The following LONP2 variants were observed in gnomAD, a reference collection of about 807,000 sequenced individuals.
The protein encoded by LONP2 is lon protease homolog 2, peroxisomal.
In LONP2, 60 loss-of-function variants were observed where a neutral mutation model predicts 85.6. That is an observed-to-expected ratio of 0.70 (90% CI 0.57 to 0.87). The LOEUF is 0.87. Among genes scored for constraint, LONP2 ranks in the 40% least tolerant of loss-of-function variants. The probability of loss-of-function intolerance (pLI) is 0.00; values close to 1 mark genes in which losing one functional copy is unlikely to be tolerated. For synonymous variants in LONP2, 395 were observed against 389.7 expected, an observed-to-expected ratio of 1.01 and a Z score of -0.16; for missense variants, 860 against 1,063.5, an observed-to-expected ratio of 0.81 and a Z score of 2.66.
rs373172366 is a variant in LONP2 at position 48,251,230 on chromosome 16, T to A, written c.234-901T>A. 1.1e-4 allele frequency among the ~76,000 whole-genome samples: 16 copies of A among 152,156 alleles called. No homozygotes were observed. In the East Asian group the frequency reaches 3.1e-3, roughly 29 times the overall value. On this transcript the variant is annotated intron_variant, in intron 1 of 14. Transcript: ENST00000285737. The stretch of plus-strand genomic sequence containing the variant: ...TACCGCTTTCCTAGGGTGTTGAGAG[T>A]TCTAGTCCTTCTATTTTCTTTTCTG...
At chr16:48,292,997 T>C (rs1045527090) in intron 8 of LONP2, among the ~76,000 whole-genome samples, 2 of 152,266 alleles carry the variant, frequency 1.3e-5, no homozygotes, top group Admixed American at 6.5e-5. Flanking sequence ...AAACATTGCT[T>C]TATTAATTTT....
chr16:48,340,648 A>G (rs1253105421), intron 12 of LONP2, among the ~76,000 whole-genome samples: 2 of 152,246 alleles, frequency 1.3e-5, no homozygotes, highest in Non-Finnish European at 2.9e-5. Context: ...GGATTAGTTC[A>G]TTCTTGCATT....
At chr16:48,286,527 G>A (rs990997605) in intron 8 of LONP2, among the ~76,000 whole-genome samples, 1 of 151,986 alleles carries the variant, frequency 6.6e-6, no homozygotes, top group Non-Finnish European at 1.5e-5. Context: ...TTTTGAGACA[G>A]GGTCTCGCTC....
intron 8 of LONP2, among the ~76,000 whole-genome samples, chr16:48,279,408 T>C (rs1972279837): frequency 1.3e-5 from 2 of 151,946 alleles, no homozygotes; most frequent in South Asian, 4.2e-4. Context: ...GATGGTCAGA[T>C]TCCTCAGAGA....
In LONP2 at chr16:48,299,251, A is replaced by C. The variant is rs1456587133; in HGVS notation, c.1535-411A>C. ...TTGAAATAATACTTAAATTTGTTCTAAATCTAAGATCCATTTAATCTACAT... is the reference window on the plus strand; with the variant it reads ...TTGAAATAATACTTAAATTTGTTCTCAATCTAAGATCCATTTAATCTACAT... On this transcript the variant is annotated intron_variant, in intron 9 of 14. Transcript: ENST00000285737. Among the ~76,000 whole-genome samples the C allele has an allele frequency of 2.6e-5, 4 of 152,154 alleles. No individual in the cohort carries two copies. The East Asian group carries it at 7.7e-4, about 29-fold the overall frequency.
chr16:48,277,632 A>G (rs1260305022), intron 8 of LONP2, among the ~76,000 whole-genome samples, 153 bp downstream of exon 8: 1 of 152,130 alleles, frequency 6.6e-6, no homozygotes, highest in Non-Finnish European at 1.5e-5. Flanking sequence ...TGGCACTTAA[A>G]TTAAAATGTT....
chr16:48,299,649 T>C lies in LONP2; in HGVS notation c.1535-13T>C, dbSNP rs1418670907. On this transcript the variant is annotated splice_polypyrimidine_tract_variant and intron_variant, in intron 9 of 14. Coordinates refer to ENST00000285737, the MANE Select transcript of LONP2 (RefSeq NM_031490.5). ...ATGTAAATAATTACAAAACAAGATC[T>C]CTTCTTTTCCAGGTTATACACAGGA... 1 of 1,593,452 alleles carries C rather than the reference T, an allele frequency of 6.3e-7. No individual in the cohort carries two copies. The highest frequency in any genetic ancestry group is 8.5e-7 in the Non-Finnish European group (1 of 1,174,382).
intron 7 of LONP2, among the ~76,000 whole-genome samples, chr16:48,270,619 C>CA (rs1450410144): frequency 5.3e-5 from 8 of 152,076 alleles, no homozygotes; most frequent in African/African-American, 1.9e-4. Flanking sequence ...CCCTAACTCT[C>CA]AGAGTTAAAA....
Position 48,292,358 on chromosome 16 carries a change from G to A in LONP2, c.1384-3657G>A, listed in dbSNP as rs1425765353. On this transcript the variant is annotated intron_variant, in intron 8 of 14. Transcript: ENST00000285737. ...TTCTCAGTGGGGGGATTGTGAGGGA[G>A]ATATGTAGCTTTTTTTGTCTTTGTA... Among the ~76,000 whole-genome samples, 4 of 152,272 alleles carry A rather than the reference G, an allele frequency of 2.6e-5. No homozygotes were observed. The East Asian group carries it at 7.7e-4, about 29-fold the overall frequency.
chr16:48,244,735 C>A, intron 1 of LONP2, 114 bp downstream of exon 1: 1 of 684,744 alleles, frequency 1.5e-6, no homozygotes, highest in Non-Finnish European at 2.1e-6. Flanking sequence ...GCCTTCGCGG[C>A]TCGGTTCCGC....
intron 8 of LONP2, among the ~76,000 whole-genome samples, chr16:48,286,277 G>A (rs1020093663): frequency 1.3e-5 from 2 of 151,804 alleles, no homozygotes; most frequent in African/African-American, 4.8e-5. Flanking sequence ...AAGTAGCTGG[G>A]ACTACAGGTG....
At chr16:48,295,520 A>G (rs1972650704) in intron 8 of LONP2, among the ~76,000 whole-genome samples, 1 of 152,206 alleles carries the variant, frequency 6.6e-6, no homozygotes, top group Non-Finnish European at 1.5e-5. Flanking sequence ...GGTTACTCTT[A>G]TTTGGAATTC....
chr16:48,319,096 G>A (rs1007891475), intron 11 of LONP2, among the ~76,000 whole-genome samples: 1 of 151,584 alleles, frequency 6.6e-6, no homozygotes, highest in Non-Finnish European at 1.5e-5. Context: ...AGTAACCTCT[G>A]TGGCCAGACA....
Position 48,356,349 on chromosome 16 carries a change from TGTTA to T in LONP2, c.*4551_*4554del, listed in dbSNP as rs1312315316. The T allele has an allele frequency of 6.5e-6, 1 of 153,402 alleles. No homozygotes were observed. The highest frequency in any genetic ancestry group is 2.4e-5 in the African/African-American group (1 of 41,446). The allele number at this position is 153,402 out of a possible 1,614,324, so 9.5% of individuals were successfully genotyped here. On this transcript the variant is annotated 3_prime_UTR_variant, in exon 15 of 15. Transcript: ENST00000285737. ...CTAAGGGACATTTTGCTACAAAGAA[TGTTA>T]GTTTTGCCAATTCCCTTTCCAAATC...
chr16:48,326,342 C>T (rs60778835), intron 11 of LONP2, among the ~76,000 whole-genome samples: 2,398 of 152,276 alleles, frequency 0.016, 54 homozygotes, highest in African/African-American at 0.053. Context: ...CCATCCCTAA[C>T]CCACAGGCAT....
rs917870153 is a variant in LONP2, at chr16:48,355,300, T to A, written c.*3498T>A. The A allele has an allele frequency of 6.6e-6, 1 of 152,066 alleles. No individual in the cohort carries two copies. The highest frequency in any genetic ancestry group is 1.5e-5 in the Non-Finnish European group (1 of 68,010). 9.4% of individuals were successfully genotyped at this position (152,066 alleles called of 1,614,324 possible). A position where few individuals can be genotyped will look rare whatever the true frequency, so the allele number is the denominator to read the frequency against. ...GAGAGCTCCATCCTCATTAATGGAT[T>A]TAGTGCCTTTATAAAGGGGCTCAAG... On this transcript the variant is annotated 3_prime_UTR_variant, in exon 15 of 15. Transcript: ENST00000285737.
chr16:48,280,085 G>A (rs1269928433), intron 8 of LONP2, among the ~76,000 whole-genome samples: 1 of 152,112 alleles, frequency 6.6e-6, no homozygotes, highest in East Asian at 1.9e-4. Context: ...GTTTGATTTG[G>A]TTCAGTTTTG....
chr16:48,292,043 CG>C (rs1972566861), intron 8 of LONP2, among the ~76,000 whole-genome samples: 2 of 152,240 alleles, frequency 1.3e-5, no homozygotes, highest in South Asian at 4.1e-4. Flanking sequence ...AAGAGACAAA[CG>C]GTTGCATTCT....
At position 48,277,347 on chromosome 16, in the gene LONP2, T is replaced by G. The variant is rs1372262503; in HGVS notation, c.1251T>G (p.Tyr417Ter). ...QSDIRGHRRTYVGSMPGRIIN... is the reference protein window; with the variant it reads ...QSDIRGHRRT ...TACTTGCTTTCTCTAGGCGCACCTA[T>G]GTTGGCAGCATGCCTGGTCGCATCA... Residue 417 changes from tyrosine (Y) to a stop codon, truncating the protein, a stop_gained, in exon 8 of 15, where the codon TAT (tyrosine) becomes TAG (stop). Coordinates refer to ENST00000285737, the MANE Select transcript of LONP2 (RefSeq NM_031490.5). LOFTEE classifies it high-confidence loss of function. 2 of 1,613,396 alleles carry G rather than the reference T, an allele frequency of 1.2e-6. No homozygotes were observed. The highest frequency in any genetic ancestry group is 2.7e-5 in the African/African-American group (2 of 74,876).
Sources: gnomAD v4.1 joint callset for allele counts (sites outside exome capture counted in the v4.1 genomes callset) on GRCh38, gnomAD v4.1.1 for gene constraint, MANE v1.5 for transcripts, NCBI Gene and HGNC (gene_info 2026-07-23, HGNC 2026-07-21) for gene names.